NFE2L2: variants seen among roughly 807,000 people sequenced by gnomAD.
NFE2L2 encodes NFE2 like bZIP transcription factor 2.
A neutral mutation model predicts 49.6 loss-of-function variants in NFE2L2; 20 were observed. The ratio of observed to expected loss-of-function variants is 0.40; its 90% CI spans 0.28 to 0.59. The LOEUF (loss-of-function observed/expected upper bound fraction) is 0.59, where lower values mean the gene tolerates loss of function less well. NFE2L2 is among the 20% of genes least tolerant of loss of function. NFE2L2 has a pLI of 0.40. For synonymous variants in NFE2L2, 244 were observed against 256.5 expected (o/e 0.95, Z 0.47); for missense variants, 578 against 714.2 (o/e 0.81, Z 2.17).
At chr2:177,256,477 C>G (rs1690527097) in intron 1 of NFE2L2, among the ~76,000 whole-genome samples, 1 of 129,726 alleles carries the variant, frequency 7.7e-6, no homozygotes, top group Non-Finnish European at 1.6e-5. Flanking sequence ...CTAATCTACT[C>G]TGAATGTCAG....
intron 4 of NFE2L2, 76 bp from the exon 5 acceptor site, chr2:177,232,084 C>A: frequency 7.4e-7 from 1 of 1,349,798 alleles, no homozygotes; most frequent in Non-Finnish European, 1.0e-6. Context: ...AGATAAACTC[C>A]CTACCCACAT....
At chr2:177,240,552 T>C (rs1689906599) in intron 1 of NFE2L2, among the ~76,000 whole-genome samples, 1 of 152,184 alleles carries the variant, frequency 6.6e-6, no homozygotes. Context: ...AGAAGACAAT[T>C]TGATAAGAAA....
chr2:177,233,113 C>T, intron 3 of NFE2L2, 137 bp downstream of exon 3: 1 of 706,560 alleles, frequency 1.4e-6, no homozygotes, highest in South Asian at 1.9e-5. Context: ...AGAGTATTTC[C>T]TTGGTTAAAA....
intron 4 of NFE2L2, 146 bp downstream of exon 4, chr2:177,232,246 C>A: frequency 3.2e-6 from 3 of 942,078 alleles, no homozygotes; most frequent in Non-Finnish European, 4.6e-6. Flanking sequence ...GATGTCCAAC[C>A]AATTTAACTA....
Position 177,232,022 on chromosome 2 carries a change from A to G in NFE2L2, c.595-14T>C. 6.4e-7 allele frequency: 1 copy of G among 1,568,870 alleles called. No individual in the cohort carries two copies. Reference sequence around the variant, plus strand: ...AATATTAAGACACTGCATGAGAAGGAAGTTTATACTATATAAATCAAAGTT... The same window carrying G: ...AATATTAAGACACTGCATGAGAAGGGAGTTTATACTATATAAATCAAAGTT... On this transcript the variant is annotated splice_polypyrimidine_tract_variant and intron_variant, in intron 4 of 4. Coordinates refer to ENST00000397062, the MANE Select transcript of NFE2L2 (RefSeq NM_006164.5).
rs1690869745 is a variant in NFE2L2, at chr2:177,264,602, G to T, written c.-26C>A. On this transcript the variant is annotated 5_prime_UTR_variant, in exon 1 of 5. Transcript: ENST00000397062. ...GATGAGCTGTGGACCGTGTGTTGGG[G>T]CTCCCCGACGGCGGCCCTGTTCCGG... 1.4e-6 allele frequency: 2 copies of T among 1,450,874 alleles called. No individual in the cohort carries two copies. The highest frequency in any genetic ancestry group is 2.9e-5 in the African/African-American group (2 of 68,062). 89.9% of individuals were successfully genotyped at this position (1,450,874 alleles called of 1,614,324 possible).
At chr2:177,232,713 C>A in intron 3 of NFE2L2, 130 bp from the exon 4 acceptor site, 1 of 825,904 alleles carries the variant, frequency 1.2e-6, no homozygotes, top group Non-Finnish European at 1.9e-6. Context: ...CCAGTCATGA[C>A]CCCGTTTGTA....
chr2:177,259,039 G>A (rs992143875), intron 1 of NFE2L2, among the ~76,000 whole-genome samples: 1 of 152,256 alleles, frequency 6.6e-6, no homozygotes, highest in African/African-American at 2.4e-5. Flanking sequence ...GTCAGGCGCA[G>A]TGGCTCACGC....
intron 1 of NFE2L2, among the ~76,000 whole-genome samples, chr2:177,242,897 TTG>T (rs1417256889): frequency 1.3e-3 from 197 of 151,354 alleles, no homozygotes; most frequent in African/African-American, 4.2e-3. Context: ...CAAGGAGGTT[TTG>T]TTTTTTTTTT....
rs149437504 is a variant in NFE2L2 at position 177,248,816 on chromosome 2, A to G, written c.46-14545T>C. Among the ~76,000 whole-genome samples, 146 of 152,280 alleles carry G rather than the reference A, an allele frequency of 9.6e-4. 2 individuals are homozygous for G. The East Asian group carries it at 0.026, about 27-fold the overall frequency. On this transcript the variant is annotated intron_variant, in intron 1 of 4. Transcript: ENST00000397062. Reference sequence around the variant, plus strand: ...TGCCTTTGCTCTCAATACTATAGGAATAAGAGCCTCCCAGTTCTCAGCCCT... The same window carrying G: ...TGCCTTTGCTCTCAATACTATAGGAGTAAGAGCCTCCCAGTTCTCAGCCCT...
At chr2:177,246,514 A>G (rs980213264) in intron 1 of NFE2L2, among the ~76,000 whole-genome samples, 3 of 151,956 alleles carry the variant, frequency 2.0e-5, no homozygotes, top group African/African-American at 7.3e-5. Context: ...ACACAATCGC[A>G]TATAAGCATA....
In NFE2L2 at chr2:177,234,152, T is replaced by C. The variant is rs1375750238; in HGVS notation, c.165A>G (p.Glu55=). The C allele has an allele frequency of 6.8e-6, 11 of 1,614,180 alleles. No individual in the cohort carries two copies. The highest frequency in any genetic ancestry group is 9.3e-6 in the Non-Finnish European group (11 of 1,180,030). Reference sequence around the variant, plus strand: ...TTTGGAGTTGTTCTTGTCTTTCCTTTTCAAGTTTTTTCTGTTTTTCCAGCT... The same window carrying C: ...TTTGGAGTTGTTCTTGTCTTTCCTTCTCAAGTTTTTTCTGTTTTTCCAGCT... ...EYELEKQKKL[E]KERQEQLQKE... is the part of the protein sequence containing the mutation. Residue 55 remains glutamate (E), a synonymous_variant, in exon 2 of 5, where the codon GAA becomes GAG. Coordinates refer to ENST00000397062, the MANE Select transcript of NFE2L2 (RefSeq NM_006164.5).
At chr2:177,238,409 T>C (rs1181498067) in intron 1 of NFE2L2, among the ~76,000 whole-genome samples, 2 of 152,242 alleles carry the variant, frequency 1.3e-5, no homozygotes, top group African/African-American at 2.4e-5. Flanking sequence ...TAATTTCCTT[T>C]CCCCCCCTTT....
rs201589693 is a variant in NFE2L2 at position 177,232,523 on chromosome 2, C to T, written c.463G>A (p.Val155Ile). The change falls in exon 4 of 5, where the codon GTC becomes ATC. Residue 155 changes from valine to isoleucine, a missense_variant. Physicochemically the swap from Val to Ile is conservative, Grantham distance 29 (BLOSUM62 3). Coordinates refer to ENST00000397062, the MANE Select transcript of NFE2L2 (RefSeq NM_006164.5). ...TGAGCCTGATTAGTAGCAATGAAGA[C>T]TGGGCTCTCGATGTGACCGGGAATA... is the stretch of plus-strand genomic sequence containing the variant. ...PDIPGHIESP[V>I]FIATNQAQSP... The T allele has an allele frequency of 6.2e-7, 1 of 1,614,108 alleles. No individual in the cohort carries two copies. Among genetic ancestry groups the T allele is most frequent in the African/African-American group, 1.3e-5 (1 of 75,022 alleles).
chr2:177,238,570 T>C (rs940805807), intron 1 of NFE2L2, among the ~76,000 whole-genome samples: 1 of 152,200 alleles, frequency 6.6e-6, no homozygotes, highest in Non-Finnish European at 1.5e-5. Flanking sequence ...TATGCAAATG[T>C]TTACATGTTG....
chr2:177,264,139 G>T (rs1690852291), intron 1 of NFE2L2, among the ~76,000 whole-genome samples: 1 of 152,066 alleles, frequency 6.6e-6, no homozygotes, highest in Non-Finnish European at 1.5e-5. Flanking sequence ...GCCGGGCCGC[G>T]CCGGCTCAGA....
intron 1 of NFE2L2, among the ~76,000 whole-genome samples, chr2:177,250,362 T>C (rs754826083): frequency 1.5e-4 from 23 of 152,344 alleles, no homozygotes; most frequent in Admixed American, 3.9e-4. Context: ...TAAATAATTA[T>C]GTTGGGGTAG....
chr2:177,230,829 A>G lies in NFE2L2; in HGVS notation c.1774T>C (p.Phe592Leu), dbSNP rs781338142. 6.3e-7 allele frequency: 1 copy of G among 1,594,564 alleles called. No homozygotes were observed. Among genetic ancestry groups the G allele is most frequent in the Non-Finnish European group, 8.5e-7 (1 of 1,174,716 alleles). Residue 592 changes from phenylalanine to leucine, a missense_variant, in exon 5 of 5, where the codon TTC (phenylalanine) becomes CTC (leucine). Transcript: ENST00000397062. Reference protein sequence around the residue: ...SLQQTRDGNVFLVPKSKKPDV... With the variant: ...SLQQTRDGNVLLVPKSKKPDV... Reference sequence around the variant, plus strand: ...GGCTTCTTACTTTTGGGAACAAGGAAAACATTGCCATCTCTTGTTTGCTGC... The same window carrying G: ...GGCTTCTTACTTTTGGGAACAAGGAGAACATTGCCATCTCTTGTTTGCTGC...
intron 1 of NFE2L2, among the ~76,000 whole-genome samples, chr2:177,261,637 T>C (rs1690746592): frequency 6.6e-6 from 1 of 152,214 alleles, no homozygotes; most frequent in African/African-American, 2.4e-5. Flanking sequence ...CTATTATGCC[T>C]GGTTTTCCCA....
Sources: allele counts gnomAD v4.1 joint callset (sites outside exome capture counted in the v4.1 genomes callset), GRCh38; gene constraint gnomAD v4.1.1; transcripts MANE v1.5; gene names NCBI Gene and HGNC (gene_info 2026-07-23, HGNC 2026-07-21).